LAMB1: variants seen among roughly 807,000 people sequenced by gnomAD.
LAMB1 encodes laminin subunit beta 1.
In LAMB1, 121 loss-of-function variants were observed where a neutral mutation model predicts 222.3. The ratio of observed to expected loss-of-function variants is 0.54; its 90% confidence interval spans 0.47 to 0.63. LAMB1 has a LOEUF of 0.63. LAMB1 is among the 30% of genes least tolerant of loss of function. The probability of loss-of-function intolerance (pLI) is 0.00; values close to 1 mark genes in which losing one functional copy is unlikely to be tolerated. For missense variants in LAMB1, 2,172 were observed against 2,240.8 expected, an observed-to-expected ratio of 0.97 and a Z score of 0.62; for synonymous variants, 794 against 807.2, an observed-to-expected ratio of 0.98 and a Z score of 0.28.
chr7:107,949,802 G>T (rs2033202064), intron 24 of LAMB1, among the ~76,000 whole-genome samples: 1 of 152,110 alleles, frequency 6.6e-6, no homozygotes, highest in Non-Finnish European at 1.5e-5. Context: ...GGAACACATG[G>T]GTTTGCACCC....
chr7:107,994,756 T>G, intron 5 of LAMB1, 131 bp downstream of exon 5: 1 of 537,806 alleles, frequency 1.9e-6, no homozygotes. Context: ...AACTGCTCAA[T>G]TACCCCAATT....
In LAMB1 at chr7:107,959,321, G is replaced by A. The variant is rs763314154; in HGVS notation, c.2618C>T (p.Ala873Val). ...SCQPCQCNGHADDCDPVTGEC... is the reference protein window; with the variant it reads ...SCQPCQCNGHVDDCDPVTGEC... ...CCCAGTCACTGGGTCGCAGTCATCG[G>A]CGTGGCCATTGCACTGGCAGGGCTG... The change falls in exon 20 of 34, where the codon GCC (alanine) becomes GTC (valine). Residue 873 changes from alanine (A) to valine (V), a missense_variant. Ala to Val is a moderately conservative substitution (Grantham distance 64, BLOSUM62 0). Transcript: ENST00000222399. The A allele has an allele frequency of 3.1e-6, 5 of 1,614,142 alleles. No individual in the cohort carries two copies. Among genetic ancestry groups the A allele is most frequent in the Non-Finnish European group, 4.2e-6 (5 of 1,180,060 alleles).
intron 5 of LAMB1, among the ~76,000 whole-genome samples, chr7:107,992,129 C>A (rs2034195781): frequency 6.6e-6 from 1 of 152,148 alleles, no homozygotes; most frequent in African/African-American, 2.4e-5. Context: ...CAGTGCCTTG[C>A]TCTCAGACTG....
Position 107,924,217 on chromosome 7 carries a change from T to TG in LAMB1, c.5224+12dup. 1.3e-6 allele frequency: 2 copies of TG among 1,584,130 alleles called. No individual in the cohort carries two copies. Among genetic ancestry groups the TG allele is most frequent in the Non-Finnish European group, 1.7e-6 (2 of 1,171,920 alleles). On this transcript the variant is annotated intron_variant, in intron 33 of 33. Transcript: ENST00000222399. ...AAGTAATTTAAAAAATAAGCCTGTGTGAAAAGACCCACCTTTGAGCAGTTG... is the reference window on the plus strand; with the variant it reads ...AAGTAATTTAAAAAATAAGCCTGTGTGGAAAAGACCCACCTTTGAGCAGTTG...
chr7:107,955,628 C>T lies in LAMB1; in HGVS notation c.2693G>A (p.Cys898Tyr), dbSNP rs1440439586. Residue 898 changes from cysteine (C) to tyrosine (Y), a missense_variant and splice_region_variant, in exon 21 of 34, where the codon TGC becomes TAC. Physicochemically the swap from Cys to Tyr is radical, Grantham distance 194. Transcript: ENST00000222399. Reference protein sequence around the residue: ...DYTMGHNCERCLAGYYGDPII... With the variant: ...DYTMGHNCERYLAGYYGDPII... The stretch of plus-strand genomic sequence containing the variant: ...GGGGTCGCCATAGTAACCAGCCAAG[C>T]ACCTGCATCAGTCACAGAAGAGAAC... 1.2e-6 allele frequency: 2 copies of T among 1,611,146 alleles called. No homozygotes were observed. Among genetic ancestry groups the T allele is most frequent in the Non-Finnish European group, 1.7e-6 (2 of 1,178,614 alleles).
chr7:108,001,763 G>C, intron 2 of LAMB1, 30 bp from the exon 3 acceptor site: 1 of 1,610,318 alleles, frequency 6.2e-7, no homozygotes. Flanking sequence ...CAGAGTTGGG[G>C]GGACACAAGC....
intron 5 of LAMB1, 45 bp downstream of exon 5, chr7:107,994,842 C>A: frequency 9.4e-7 from 1 of 1,063,672 alleles, no homozygotes; most frequent in South Asian, 1.3e-5. Context: ...GGACATTACA[C>A]AGTGCTCTCA....
At chr7:107,981,873 T>G (rs2033980002) in intron 7 of LAMB1, among the ~76,000 whole-genome samples, 1 of 152,240 alleles carries the variant, frequency 6.6e-6, no homozygotes. Context: ...ACCAAAATAG[T>G]GTTAACGCTA....
At chr7:107,960,047 G>A (rs2033463914) in intron 18 of LAMB1, among the ~76,000 whole-genome samples, 1 of 152,172 alleles carries the variant, frequency 6.6e-6, no homozygotes, top group Non-Finnish European at 1.5e-5. Context: ...TTCTCCCCTT[G>A]CCTTCAAAGC....
Position 107,932,380 on chromosome 7 carries a change from G to C in LAMB1, c.4189-3C>G. 1 of 1,614,100 alleles carries C rather than the reference G, an allele frequency of 6.2e-7. No homozygotes were observed. The highest frequency in any genetic ancestry group is 8.5e-7 in the Non-Finnish European group (1 of 1,179,926). ...GCCCCTGGGGGTGTTCCACAGGTCTGCAACAAGCCAAGGATCAGGCACAAT... is the reference window on the plus strand; with the variant it reads ...GCCCCTGGGGGTGTTCCACAGGTCTCCAACAAGCCAAGGATCAGGCACAAT... On this transcript the variant is annotated splice_region_variant and splice_polypyrimidine_tract_variant and intron_variant, in intron 27 of 33. Transcript: ENST00000222399.
At chr7:107,979,484 G>C (rs35901179) in intron 8 of LAMB1, among the ~76,000 whole-genome samples, 1 of 152,114 alleles carries the variant, frequency 6.6e-6, no homozygotes, top group Admixed American at 6.5e-5. Context: ...CATTTACTTA[G>C]GGCTCTCTAG....
chr7:107,932,131 A>C (rs748845361), intron 28 of LAMB1, 43 bp downstream of exon 28: 2 of 1,570,770 alleles, frequency 1.3e-6, no homozygotes, highest in East Asian at 4.5e-5. Flanking sequence ...CACAGCTGAA[A>C]GCAAACATAC....
chr7:107,946,092 G>A (rs1425896986), intron 24 of LAMB1, among the ~76,000 whole-genome samples: 1 of 152,112 alleles, frequency 6.6e-6, no homozygotes, highest in Non-Finnish European at 1.5e-5. Flanking sequence ...TTTGCCTTGG[G>A]ACAGAGAAAC....
intron 21 of LAMB1, 89 bp downstream of exon 21, chr7:107,955,378 C>A (rs1035067850): frequency 1.7e-6 from 2 of 1,171,744 alleles, no homozygotes; most frequent in African/African-American, 3.1e-5. Flanking sequence ...TTAATTGGTT[C>A]ACTTTGCATC....
chr7:107,957,177 G>A (rs2033395539), intron 20 of LAMB1, among the ~76,000 whole-genome samples: 1 of 152,112 alleles, frequency 6.6e-6, no homozygotes, highest in African/African-American at 2.4e-5. Context: ...ATCACCTGAG[G>A]TTGGGAGTTT....
At chr7:107,964,809 T>C (rs1584512471) in intron 13 of LAMB1, 122 bp from the exon 14 acceptor site, 1 of 1,122,652 alleles carries the variant, frequency 8.9e-7, no homozygotes, top group Non-Finnish European at 1.3e-6. Context: ...GTTCTTGTTT[T>C]CTTCAGAAAA....
rs762084127 is a variant in LAMB1 at position 107,953,550 on chromosome 7, G to A, written c.3059C>T (p.Ala1020Val). 4 of 1,613,572 alleles carry A rather than the reference G, an allele frequency of 2.5e-6. No individual in the cohort carries two copies. The South Asian group carries it at 4.4e-5, about 18-fold the overall frequency. Residue 1020 changes from alanine to valine, a missense_variant, in exon 22 of 34, where the codon GCC (alanine) becomes GTC (valine). Transcript: ENST00000222399. ...QFCRFGYYGD[A>V]LQQDCRKCVC... ...CTTACTTCGACAGTCCTGCTGGAGG[G>A]CATCACCATAGTATCCAAACCGGCA...
intron 1 of LAMB1, 36 bp downstream of exon 1, chr7:108,003,075 G>C: frequency 3.0e-6 from 4 of 1,340,064 alleles, no homozygotes; most frequent in Middle Eastern, 2.7e-4. Flanking sequence ...GGGCTGGAAA[G>C]TGGGGAAAAT....
intron 12 of LAMB1, among the ~76,000 whole-genome samples, chr7:107,974,204 T>A (rs1461768143): frequency 2.6e-5 from 4 of 152,174 alleles, no homozygotes; most frequent in Non-Finnish European, 4.4e-5. Context: ...TATAACAATG[T>A]TATTAAAAAT....
Sources: allele counts gnomAD v4.1 joint callset (sites outside exome capture counted in the v4.1 genomes callset), GRCh38; gene constraint gnomAD v4.1.1; transcripts MANE v1.5; gene names NCBI Gene and HGNC (gene_info 2026-07-23, HGNC 2026-07-21).